Variants in EBF4 observed in about 807,000 individuals in gnomAD.
EBF4 encodes the protein transcription factor COE4.
A neutral mutation model predicts 67.1 loss-of-function variants in EBF4; 34 were observed. That is an observed-to-expected ratio of 0.51 (90% CI 0.39 to 0.67). EBF4 has a LOEUF of 0.67. EBF4 is among the 30% of genes least tolerant of loss of function. The probability of loss-of-function intolerance (pLI) is 0.00; values close to 1 mark genes in which losing one functional copy is unlikely to be tolerated. For missense variants in EBF4, 837 were observed against 873.3 expected, an observed-to-expected ratio of 0.96 and a Z score of 0.52; for synonymous variants, 387 against 377.7, an observed-to-expected ratio of 1.02 and a Z score of -0.29.
intron 6 of EBF4, among the ~76,000 whole-genome samples, chr20:2,741,931 C>T (rs919596927): frequency 2.0e-5 from 3 of 152,214 alleles, no homozygotes; most frequent in Admixed American, 2.0e-4. Context: ...CTGATAGCAG[C>T]AGTCACAACA....
At chr20:2,695,253 G>A (rs2087271627) in intron 1 of EBF4, among the ~76,000 whole-genome samples, 1 of 152,112 alleles carries the variant, frequency 6.6e-6, no homozygotes, top group South Asian at 2.1e-4. Flanking sequence ...TGGGAGTTAA[G>A]GTTCCATTTC....
At position 2,752,149 on chromosome 20, in the gene EBF4, G is replaced by A. The variant is rs1214553971; in HGVS notation, c.1237G>A (p.Gly413Arg). The A allele has an allele frequency of 8.3e-6, 12 of 1,448,466 alleles. No homozygotes were observed. In the East Asian group the frequency reaches 1.5e-4, roughly 18 times the overall value. 89.7% of individuals were successfully genotyped at this position (1,448,466 alleles called of 1,614,324 possible). A position where few individuals can be genotyped will look rare whatever the true frequency, so the allele number is the denominator to read the frequency against. Residue 413 changes from glycine to arginine, a missense_variant, in exon 13 of 17, where the codon GGG becomes AGG. Physicochemically the swap from Gly to Arg is moderately radical, Grantham distance 125 (BLOSUM62 -2). This residue lies in a region of EBF4 where 525 missense variants were observed against 496.5 expected (regional missense o/e 1.06). Transcript: ENST00000609451. The stretch of plus-strand genomic sequence containing the variant: ...TCTGTACAGCACCCCCCGCGCACCC[G>A]GGCCGCTCGCACCCCTGGCCCCGAG...
rs1467523282 is a variant in EBF4 at position 2,752,511 on chromosome 20, C to G, written c.1506C>G (p.Phe502Leu). The change falls in exon 14 of 17, where the codon TTC (phenylalanine) becomes TTG (leucine). Residue 502 changes from phenylalanine to leucine, a missense_variant. This residue lies in a region of EBF4 where 525 missense variants were observed against 496.5 expected (regional missense o/e 1.06). Transcript: ENST00000609451. Reference sequence around the variant, plus strand: ...TCGGCGTGCCTGGGTCCCCCAGCTTCCTCAATGGCTCCACCGCCACCTCGC... The same window carrying G: ...TCGGCGTGCCTGGGTCCCCCAGCTTGCTCAATGGCTCCACCGCCACCTCGC... 2.4e-6 allele frequency: 3 copies of G among 1,253,896 alleles called. No homozygotes were observed. Among genetic ancestry groups the G allele is most frequent in the Non-Finnish European group, 3.0e-6 (3 of 997,024 alleles). The allele number at this position is 1,253,896 out of a possible 1,614,324, so 77.7% of individuals were successfully genotyped here. A position where few individuals can be genotyped will look rare whatever the true frequency, so the allele number is the denominator to read the frequency against.
chr20:2,739,228 C>T lies in EBF4; in HGVS notation c.558-9321C>T, dbSNP rs1428314931. On this transcript the variant is annotated intron_variant, in intron 6 of 16. Coordinates refer to ENST00000609451, the Ensembl canonical transcript of EBF4. This position sits in a 1 kb window ranked among gnomAD's most constrained non-coding sequence, Gnocchi z 4.5. ...CCCATCACCCAGAGGATCCAAGTCC[C>T]GCATGATTTGGTCCCAACCCCAGGC... Among the ~76,000 whole-genome samples, 1 of 152,146 alleles carries T rather than the reference C, an allele frequency of 6.6e-6. No homozygotes were observed. The highest frequency in any genetic ancestry group is 2.4e-5 in the African/African-American group (1 of 41,420).
chr20:2,727,742 T>C (rs1168306831), intron 6 of EBF4, among the ~76,000 whole-genome samples: 1 of 152,238 alleles, frequency 6.6e-6, no homozygotes, highest in Non-Finnish European at 1.5e-5. Context: ...ATCATCTTTT[T>C]TATAGTAGTC....
chr20:2,709,223 A>C (rs1196853883), intron 5 of EBF4, among the ~76,000 whole-genome samples: 1 of 152,180 alleles, frequency 6.6e-6, no homozygotes, highest in Non-Finnish European at 1.5e-5. Flanking sequence ...GTGGTCATTC[A>C]TGAGCTCACC....
In EBF4 at chr20:2,752,583, G is replaced by C. The variant is rs568243459; in HGVS notation, c.1540+38G>C. 6.5e-6 allele frequency: 8 copies of C among 1,226,454 alleles called. No individual in the cohort carries two copies. The African/African-American group carries it at 9.4e-5, about 14-fold the overall frequency. 76.0% of individuals were successfully genotyped at this position (1,226,454 alleles called of 1,614,324 possible). Reference sequence around the variant, plus strand: ...CGCCCGCGAGGGAAGGTCTGGGGCCGGGGAGCGGAACGGGACTCAGCCCCG... The same window carrying C: ...CGCCCGCGAGGGAAGGTCTGGGGCCCGGGAGCGGAACGGGACTCAGCCCCG... On this transcript the variant is annotated intron_variant, in intron 14 of 16. Coordinates refer to ENST00000609451, the Ensembl canonical transcript of EBF4.
chr20:2,714,209 T>C (rs550409995), intron 6 of EBF4, among the ~76,000 whole-genome samples: 27 of 152,338 alleles, frequency 1.8e-4, no homozygotes, highest in Admixed American at 5.2e-4. Context: ...ACCAGGGCTA[T>C]TTAAAGGCTA....
chr20:2,697,458 T>G, intron 1 of EBF4, among the ~76,000 whole-genome samples: 1 of 150,870 alleles, frequency 6.6e-6, no homozygotes, highest in Non-Finnish European at 1.5e-5. Context: ...GGCAGGAGAA[T>G]GGCGTGAACC....
intron 1 of EBF4, among the ~76,000 whole-genome samples, chr20:2,699,098 G>T (rs556729714): frequency 1.3e-5 from 2 of 152,158 alleles, no homozygotes; most frequent in Admixed American, 1.3e-4. Flanking sequence ...AGCAGCTGCC[G>T]CGAAAAGGGC....
intron 15 of EBF4, among the ~76,000 whole-genome samples, chr20:2,757,375 C>G (rs1394072428): frequency 6.6e-6 from 1 of 152,132 alleles, no homozygotes; most frequent in African/African-American, 2.4e-5. Context: ...AGAATGGGGT[C>G]CCTTCCCACC....
chr20:2,749,549 G>T (rs1256664481), intron 8 of EBF4, 31 bp downstream of exon 8: 1 of 1,536,684 alleles, frequency 6.5e-7, no homozygotes, highest in Non-Finnish European at 8.8e-7. Context: ...CCCGGCCGCC[G>T]CGGGCCCAGC....
At chr20:2,705,778 C>A (rs1297236994) in intron 2 of EBF4, 45 bp downstream of exon 2, 10 of 1,461,546 alleles carry the variant, frequency 6.8e-6, no homozygotes, top group Non-Finnish European at 9.2e-7. Context: ...CGGGAGGGAA[C>A]CCCCAACCAC....
At chr20:2,734,180 G>T (rs2087849573) in intron 6 of EBF4, among the ~76,000 whole-genome samples, 1 of 152,128 alleles carries the variant, frequency 6.6e-6, no homozygotes, top group African/African-American at 2.4e-5. Context: ...GGCAGAGAAG[G>T]GCAGATTGCT....
rs2087771603 is a variant in EBF4 at position 2,728,427 on chromosome 20, G to A, written c.557+18785G>A. Among the ~76,000 whole-genome samples, 3 of 152,052 alleles carry A rather than the reference G, an allele frequency of 2.0e-5. No homozygotes were observed. The South Asian group carries it at 6.2e-4, about 32-fold the overall frequency. On this transcript the variant is annotated intron_variant, in intron 6 of 16. Coordinates refer to ENST00000609451, the Ensembl canonical transcript of EBF4. Reference sequence around the variant, plus strand: ...TGGTGAGGATGGGTTTGGTAAAAGGGTCTTCTCCCTTTCTTCATTCACCTT... The same window carrying A: ...TGGTGAGGATGGGTTTGGTAAAAGGATCTTCTCCCTTTCTTCATTCACCTT...
intron 6 of EBF4, among the ~76,000 whole-genome samples, chr20:2,719,028 CAT>C (rs1316759155): frequency 1.3e-5 from 2 of 152,144 alleles, no homozygotes; most frequent in Admixed American, 6.5e-5. Flanking sequence ...TTTTGACCCA[CAT>C]GTTACTTAAT....
chr20:2,702,490 A>G (rs2087391069), intron 1 of EBF4, among the ~76,000 whole-genome samples: 1 of 151,938 alleles, frequency 6.6e-6, no homozygotes, highest in Admixed American at 6.6e-5. Context: ...AAGAAGACTT[A>G]TGGCTTCTGC....
rs139513601 is a variant in EBF4 at position 2,709,912 on chromosome 20, G to C, written c.557+270G>C. Among the ~76,000 whole-genome samples, 1,350 of 152,094 alleles carry C rather than the reference G, an allele frequency of 8.9e-3. 25 individuals carry two copies. The highest frequency in any genetic ancestry group is 0.031 in the African/African-American group (1,294 of 41,480). On this transcript the variant is annotated intron_variant, in intron 6 of 16. Transcript: ENST00000609451. ...CCAGGGAGGGCAGGGAGGTTGAGAG[G>C]GGGGTGGGAAGGGAGGGGAGGAACC...
At chr20:2,703,711 A>T (rs971772828) in intron 1 of EBF4, among the ~76,000 whole-genome samples, 19 of 141,212 alleles carry the variant, frequency 1.3e-4, no homozygotes, top group African/African-American at 5.1e-4. Context: ...TCAAATTTGT[A>T]TCTAAAAAGA....
Sources: allele counts gnomAD v4.1 joint callset (sites outside exome capture counted in the v4.1 genomes callset), GRCh38; gene constraint gnomAD v4.1.1; regional missense constraint gnomAD v4.1.1; non-coding constraint Gnocchi (gnomAD v3.1); transcripts MANE v1.5; gene names NCBI Gene and HGNC (gene_info 2026-07-23, HGNC 2026-07-21).